PYGB: variants seen among roughly 807,000 people sequenced by gnomAD.
PYGB encodes the protein glycogen phosphorylase B.
PYGB carries 82 observed loss-of-function variants against 94.3 expected under a neutral mutation model. The ratio of observed to expected loss-of-function variants is 0.87; its 90% CI spans 0.73 to 1.04. The LOEUF is 1.04. Among genes scored for constraint, PYGB ranks in the 50% least tolerant of loss-of-function variants. The pLI is 0.00. For synonymous variants in PYGB, 488 were observed against 479.1 expected, an observed-to-expected ratio of 1.02 and a Z score of -0.24; for missense variants, 1,132 against 1,158.2, an observed-to-expected ratio of 0.98 and a Z score of 0.33.
intron 10 of PYGB, 149 bp from the exon 11 acceptor site, chr20:25,280,800 G>A: frequency 1.9e-6 from 2 of 1,027,098 alleles, no homozygotes; most frequent in Non-Finnish European, 2.8e-6. Context: ...GAGCACTTGA[G>A]GGAGGTCTGG....
intron 1 of PYGB, among the ~76,000 whole-genome samples, chr20:25,251,636 C>T (rs1347414909): frequency 6.6e-6 from 1 of 152,170 alleles, no homozygotes; most frequent in African/African-American, 2.4e-5. Context: ...AGCCCATGCC[C>T]AGTTATGAGA....
intron 1 of PYGB, among the ~76,000 whole-genome samples, chr20:25,258,750 T>G (rs1335250846): frequency 6.6e-6 from 1 of 152,262 alleles, no homozygotes; most frequent in African/African-American, 2.4e-5. Context: ...CATTCAGCCG[T>G]CTGTGCTGCG....
At chr20:25,284,526 A>C (rs2088400719) in intron 14 of PYGB, among the ~76,000 whole-genome samples, 1 of 152,158 alleles carries the variant, frequency 6.6e-6, no homozygotes, top group Non-Finnish European at 1.5e-5. Context: ...CTTGACCTCC[A>C]AGGGCCCAGG....
At chr20:25,283,522 C>T (rs1348997466) in intron 13 of PYGB, among the ~76,000 whole-genome samples, 1 of 152,208 alleles carries the variant, frequency 6.6e-6, no homozygotes, top group African/African-American at 2.4e-5. Context: ...GAGTGCAGAC[C>T]CCAGGCCAGC....
intron 4 of PYGB, among the ~76,000 whole-genome samples, chr20:25,272,993 A>G (rs1175828682): frequency 6.6e-6 from 1 of 152,172 alleles, no homozygotes; most frequent in Non-Finnish European, 1.5e-5. Context: ...TTTGTGTGAT[A>G]GTTTAGGATG....
At chr20:25,284,419 G>C (rs1382457491) in intron 14 of PYGB, among the ~76,000 whole-genome samples, 168 bp downstream of exon 14, 1 of 152,174 alleles carries the variant, frequency 6.6e-6, no homozygotes, top group East Asian at 1.9e-4. Flanking sequence ...ATGTTTTTCT[G>C]TGTGCCCCAT....
chr20:25,259,060 GC>G (rs1211197480), intron 1 of PYGB, among the ~76,000 whole-genome samples, 176 bp from the exon 2 acceptor site: 1 of 152,244 alleles, frequency 6.6e-6, no homozygotes, highest in Non-Finnish European at 1.5e-5. Flanking sequence ...TGGGTGGGCT[GC>G]TTTTGGGGGC....
intron 1 of PYGB, among the ~76,000 whole-genome samples, chr20:25,253,804 T>C (rs938566141): frequency 6.6e-6 from 1 of 152,180 alleles, no homozygotes; most frequent in African/African-American, 2.4e-5. Flanking sequence ...ATGTTAAACA[T>C]TGCAACACAC....
At chr20:25,278,073 G>C (rs895342926) in intron 7 of PYGB, among the ~76,000 whole-genome samples, 1 of 149,584 alleles carries the variant, frequency 6.7e-6, no homozygotes, top group Non-Finnish European at 1.5e-5. Context: ...CTTGGACAGT[G>C]CAGCTCCTGA....
At position 25,296,362 on chromosome 20, in the gene PYGB, C is replaced by T; in HGVS notation, c.2380-8C>T. The stretch of plus-strand genomic sequence containing the variant: ...CGCCAGAGACTAATTTCATCTCCTT[C>T]CCTGCAGAACCCCAAGGAGTGGACC... On this transcript the variant is annotated splice_region_variant and splice_polypyrimidine_tract_variant and intron_variant, in intron 19 of 19. Transcript: ENST00000216962. 1 of 1,614,036 alleles carries T rather than the reference C, an allele frequency of 6.2e-7. No individual in the cohort carries two copies. Among genetic ancestry groups the T allele is most frequent in the South Asian group, 1.1e-5 (1 of 91,088 alleles).
intron 12 of PYGB, 59 bp downstream of exon 12, chr20:25,282,206 T>C (rs2088374670): frequency 2.2e-6 from 3 of 1,387,210 alleles, no homozygotes; most frequent in Admixed American, 1.8e-5. Context: ...CCGCGGGCCA[T>C]GTCATCAGCC....
intron 2 of PYGB, among the ~76,000 whole-genome samples, chr20:25,266,024 C>G (rs1020235431): frequency 1.3e-5 from 2 of 151,868 alleles, no homozygotes; most frequent in Non-Finnish European, 2.9e-5. Flanking sequence ...GTATATATTA[C>G]TCTATATATA....
rs1568702918 is a variant in PYGB at position 25,296,501 on chromosome 20, C to T, written c.2511C>T (p.Pro837=). 1.9e-6 allele frequency: 3 copies of T among 1,613,572 alleles called. No individual in the cohort carries two copies. The highest frequency in any genetic ancestry group is 8.5e-7 in the Non-Finnish European group (1 of 1,179,902). The change falls in exon 20 of 20, where the codon CCC becomes CCT. Residue 837 remains proline (P), a synonymous_variant. Transcript: ENST00000216962. Reference sequence around the variant, plus strand: ...AGCCCTCCGACCTGCAGATCCCGCCCCCCAACATCCCCCGGGACTAGGCAC... The same window carrying T: ...AGCCCTCCGACCTGCAGATCCCGCCTCCCAACATCCCCCGGGACTAGGCAC... ...GVEPSDLQIP[P]PNIPRD
Position 25,296,373 on chromosome 20 carries a change from C to A in PYGB, c.2383C>A (p.Pro795Thr). ...QAQVDQLYRN[P>T]KEWTKKVIRN... is the part of the protein sequence containing the mutation. ...AATTTCATCTCCTTCCCTGCAGAAC[C>A]CCAAGGAGTGGACCAAGAAGGTCAT... The change falls in exon 20 of 20, where the codon CCC (proline) becomes ACC (threonine). Residue 795 changes from proline (P) to threonine (T), a missense_variant. By Grantham distance (38) the Pro-to-Thr change is conservative. Coordinates refer to ENST00000216962, the MANE Select transcript of PYGB (RefSeq NM_002862.4). 6.2e-7 allele frequency: 1 copy of A among 1,614,062 alleles called. No individual in the cohort carries two copies. The highest frequency in any genetic ancestry group is 8.5e-7 in the Non-Finnish European group (1 of 1,180,024).
chr20:25,290,455 T>C, intron 15 of PYGB, 26 bp from the exon 16 acceptor site: 1 of 1,594,198 alleles, frequency 6.3e-7, no homozygotes, highest in Non-Finnish European at 8.6e-7. Flanking sequence ...ATTTTTGTGC[T>C]AAAAACCTTC....
chr20:25,274,727 C>T lies in PYGB; in HGVS notation c.660+4C>T, dbSNP rs920076925. The stretch of plus-strand genomic sequence containing the variant: ...CGTGAAGTGGCTGGACACACAGGTA[C>T]CTGGGCTGAAATGTCTGCGGGCAAG... On this transcript the variant is annotated splice_donor_region_variant and intron_variant, in intron 5 of 19. Coordinates refer to ENST00000216962, the MANE Select transcript of PYGB (RefSeq NM_002862.4). 1 of 1,611,430 alleles carries T rather than the reference C, an allele frequency of 6.2e-7. No homozygotes were observed.
rs1568695161 is a variant in PYGB, at chr20:25,283,207, G to A, written c.1550G>A (p.Ser517Asn). ...GGGGAGGAGTTCCTGACTGACCTGA[G>A]CCAGCTGAAGAAGCTGCTGCCGCTG... The part of the protein sequence containing the change: ...KIGEEFLTDL[S>N]QLKKLLPLVS... The change falls in exon 13 of 20, where the codon AGC becomes AAC. Residue 517 changes from serine to asparagine, a missense_variant. Ser to Asn is a conservative substitution (Grantham distance 46). Coordinates refer to ENST00000216962, the MANE Select transcript of PYGB (RefSeq NM_002862.4). The A allele has an allele frequency of 6.2e-7, 1 of 1,613,852 alleles. No homozygotes were observed. The highest frequency in any genetic ancestry group is 8.5e-7 in the Non-Finnish European group (1 of 1,179,842).
At chr20:25,253,260 T>C (rs1011704590) in intron 1 of PYGB, among the ~76,000 whole-genome samples, 1 of 152,206 alleles carries the variant, frequency 6.6e-6, no homozygotes, top group Non-Finnish European at 1.5e-5. Context: ...CACTTCAGAA[T>C]CACTTGAGCC....
At chr20:25,256,469 C>T (rs2092902807) in intron 1 of PYGB, among the ~76,000 whole-genome samples, 1 of 150,200 alleles carries the variant, frequency 6.7e-6, no homozygotes, top group African/African-American at 2.5e-5. Context: ...GCATTCCAGC[C>T]TGGGCAACAG....
Sources: allele counts gnomAD v4.1 joint callset (sites outside exome capture counted in the v4.1 genomes callset), GRCh38; gene constraint gnomAD v4.1.1; transcripts MANE v1.5; gene names NCBI Gene and HGNC (gene_info 2026-07-23, HGNC 2026-07-21).